Variants in DMGDH observed in about 807,000 individuals in gnomAD.
The protein encoded by DMGDH is dimethylglycine dehydrogenase, mitochondrial.
In DMGDH, 76 loss-of-function variants were observed where a neutral mutation model predicts 95.2. That is an observed-to-expected ratio of 0.80 (90% CI 0.66 to 0.97). DMGDH has a LOEUF of 0.97. Ranked by LOEUF, DMGDH falls within the 50% of genes least tolerant of loss-of-function variation. DMGDH has a pLI of 0.00. For missense variants in DMGDH, 987 were observed against 1,055.0 expected, an observed-to-expected ratio of 0.94 and a Z score of 0.89; for synonymous variants, 345 against 377.6, an observed-to-expected ratio of 0.91 and a Z score of 1.00.
intron 14 of DMGDH, among the ~76,000 whole-genome samples, chr5:79,014,321 G>T (rs1350695944): frequency 6.6e-6 from 1 of 152,006 alleles, no homozygotes; most frequent in Non-Finnish European, 1.5e-5. Context: ...TAATTTTTCG[G>T]TTTTTTAATC....
chr5:79,023,266 A>C (rs1466960798), intron 14 of DMGDH, among the ~76,000 whole-genome samples: 1 of 152,138 alleles, frequency 6.6e-6, no homozygotes, highest in Admixed American at 6.6e-5. Context: ...AGGACATTTT[A>C]TTTTTGGAGT....
At chr5:79,025,779 G>A (rs899362012) in intron 13 of DMGDH, among the ~76,000 whole-genome samples, 2 of 152,178 alleles carry the variant, frequency 1.3e-5, no homozygotes, top group African/African-American at 4.8e-5. Context: ...TCCAGGGATA[G>A]CCTGCCATAT....
rs1561203247 is a variant in DMGDH at position 78,998,075 on chromosome 5, T to C, written c.*7A>G. 3 of 1,614,162 alleles carry C rather than the reference T, an allele frequency of 1.9e-6. No individual in the cohort carries two copies. The highest frequency in any genetic ancestry group is 1.7e-6 in the Non-Finnish European group (2 of 1,179,984). On this transcript the variant is annotated 3_prime_UTR_variant, in exon 16 of 16. Coordinates refer to ENST00000255189, the MANE Select transcript of DMGDH (RefSeq NM_013391.3). The stretch of plus-strand genomic sequence containing the variant: ...CTCTAATTCAGTTGACTGCTGAAGG[T>C]CTTTTTTCAAGTTTTGTCCTTTCCA...
chr5:79,047,594 C>T (rs548629107), intron 5 of DMGDH, among the ~76,000 whole-genome samples: 21 of 152,178 alleles, frequency 1.4e-4, no homozygotes, highest in Admixed American at 1.3e-3. Flanking sequence ...ATAACTAGTA[C>T]CTGCCCGCGT....
intron 7 of DMGDH, among the ~76,000 whole-genome samples, chr5:79,038,441 G>A (rs958925933): frequency 6.6e-6 from 1 of 152,084 alleles, no homozygotes; most frequent in Non-Finnish European, 1.5e-5. Context: ...ACAAGATCGT[G>A]CCATTCCCTG....
Position 79,069,551 on chromosome 5 carries a change from C to CG in DMGDH, c.69dup (p.Gly24ArgfsTer88), listed in dbSNP as rs918048623. 5 of 1,317,392 alleles carry CG rather than the reference C, an allele frequency of 3.8e-6. No homozygotes were observed. Among genetic ancestry groups the CG allele is most frequent in the East Asian group, 6.2e-5 (2 of 32,404 alleles). 81.6% of individuals were successfully genotyped at this position (1,317,392 alleles called of 1,614,324 possible). On this transcript the variant is annotated frameshift_variant, in exon 1 of 16. Coordinates refer to ENST00000255189, the MANE Select transcript of DMGDH (RefSeq NM_013391.3). LOFTEE classifies it high-confidence loss of function. Reference sequence around the variant, plus strand: ...CGGCCGCAGACAGAGCGCGGGCGCCCGGGGGAGCCCTGCAGCGGGCAGCTC... The same window carrying CG: ...CGGCCGCAGACAGAGCGCGGGCGCCCGGGGGGAGCCCTGCAGCGGGCAGCTC...
chr5:79,069,470 C>G (rs770498546), intron 1 of DMGDH, 50 bp downstream of exon 1: 26 of 1,167,408 alleles, frequency 2.2e-5, no homozygotes, highest in Non-Finnish European at 2.7e-5. Flanking sequence ...CTCTGGCTCC[C>G]ACCCCCGCAG....
intron 7 of DMGDH, among the ~76,000 whole-genome samples, chr5:79,037,232 G>A (rs979357235): frequency 2.0e-5 from 3 of 152,160 alleles, no homozygotes; most frequent in African/African-American, 7.2e-5. Flanking sequence ...TAAGCCACAT[G>A]GGTTCTAGTG....
In DMGDH at chr5:79,051,451, T is replaced by C. The variant is rs140962917; in HGVS notation, c.581A>G (p.Asp194Gly). Reference protein sequence around the residue: ...GLYNPGDGHIDPYSLTMALAA... With the variant: ...GLYNPGDGHIGPYSLTMALAA... ...CAGTGCCATAGTTAGAGAATAAGGA[T>C]CAATGTGACCATCTCCAGGATTATA... is the stretch of plus-strand genomic sequence containing the variant. Residue 194 changes from aspartate to glycine, a missense_variant, in exon 5 of 16, where the codon GAT becomes GGT. Coordinates refer to ENST00000255189, the MANE Select transcript of DMGDH (RefSeq NM_013391.3). The C allele has an allele frequency of 1.1e-5, 17 of 1,614,036 alleles. No homozygotes were observed. Among genetic ancestry groups the C allele is most frequent in the African/African-American group, 4.0e-5 (3 of 74,912 alleles).
rs558112899 is a variant in DMGDH, at chr5:79,049,552, A to T, written c.745+1735T>A. ...TAGTATTTGCTATAATGATGAAAACAGTCAAATGTTTTTAGGGCCTGAATT... is the reference window on the plus strand; with the variant it reads ...TAGTATTTGCTATAATGATGAAAACTGTCAAATGTTTTTAGGGCCTGAATT... On this transcript the variant is annotated intron_variant, in intron 5 of 15. Transcript: ENST00000255189. 7.2e-5 allele frequency among the ~76,000 whole-genome samples: 11 copies of T among 152,364 alleles called. No homozygotes were observed. In the South Asian group the frequency reaches 2.3e-3, roughly 32 times the overall value.
At chr5:79,010,082 A>G (rs1270037821) in intron 14 of DMGDH, among the ~76,000 whole-genome samples, 1 of 152,238 alleles carries the variant, frequency 6.6e-6, no homozygotes, top group Admixed American at 6.5e-5. Flanking sequence ...TTAAATAGCA[A>G]TATGAGTCAT....
intron 14 of DMGDH, among the ~76,000 whole-genome samples, chr5:79,013,828 G>A (rs1445120163): frequency 2.0e-5 from 3 of 152,138 alleles, no homozygotes; most frequent in Non-Finnish European, 4.4e-5. Flanking sequence ...TAGATCTCAT[G>A]AGAACCCACT....
chr5:79,018,055 A>T (rs1753772581), intron 14 of DMGDH, among the ~76,000 whole-genome samples: 1 of 152,190 alleles, frequency 6.6e-6, no homozygotes, highest in Non-Finnish European at 1.5e-5. Flanking sequence ...GGGAATTATT[A>T]TTATTTTTTT....
chr5:79,031,096 C>T, intron 9 of DMGDH, 98 bp from the exon 10 acceptor site: 1 of 1,285,146 alleles, frequency 7.8e-7, no homozygotes, highest in South Asian at 1.3e-5. Flanking sequence ...CTAGAAAATC[C>T]TACGGGCAGC....
At chr5:79,043,586 T>C (rs1327252967) in intron 6 of DMGDH, among the ~76,000 whole-genome samples, 1 of 152,228 alleles carries the variant, frequency 6.6e-6, no homozygotes, top group East Asian at 1.9e-4. Context: ...GAAGTACCAT[T>C]TCCTACATTT....
intron 14 of DMGDH, among the ~76,000 whole-genome samples, chr5:79,015,082 C>T (rs953454465): frequency 9.9e-5 from 15 of 152,272 alleles, no homozygotes; most frequent in African/African-American, 3.6e-4. Flanking sequence ...AACCCACATG[C>T]TCAGATGCCT....
At chr5:79,050,248 CAAAAAA>C (rs57662602) in intron 5 of DMGDH, among the ~76,000 whole-genome samples, 5 of 78,632 alleles carry the variant, frequency 6.4e-5, no homozygotes, top group African/African-American at 2.1e-4. Flanking sequence ...AACTTTGTCT[CAAAAAA>C]AAAAAAAAAA....
At position 79,005,378 on chromosome 5, in the gene DMGDH, C is replaced by T. The variant is rs1254386410; in HGVS notation, c.2280G>A (p.Leu760=). ...TCAGCCCCTTGGCTTTAATCTGTTTCAGTGCTTGCTTTCCTATGAAGTCTG... is the reference window on the plus strand; with the variant it reads ...TCAGCCCCTTGGCTTTAATCTGTTTTAGTGCTTGCTTTCCTATGAAGTCTG... ...KPADFIGKQA[L]KQIKAKGLKR... is the part of the protein sequence containing the mutation. The change falls in exon 15 of 16, where the codon CTG becomes CTA. Residue 760 remains leucine, a synonymous_variant. Coordinates refer to ENST00000255189, the MANE Select transcript of DMGDH (RefSeq NM_013391.3). The T allele has an allele frequency of 6.2e-7, 1 of 1,613,974 alleles. No homozygotes were observed. The highest frequency in any genetic ancestry group is 1.3e-5 in the African/African-American group (1 of 74,930).
chr5:79,018,203 A>G (rs1416842096), intron 14 of DMGDH, among the ~76,000 whole-genome samples: 2 of 152,122 alleles, frequency 1.3e-5, no homozygotes, highest in Non-Finnish European at 2.9e-5. Flanking sequence ...ATGTGTCACC[A>G]TGCCCGGCTA....
Sources: allele counts gnomAD v4.1 joint callset (sites outside exome capture counted in the v4.1 genomes callset), GRCh38; gene constraint gnomAD v4.1.1; transcripts MANE v1.5; gene names NCBI Gene and HGNC (gene_info 2026-07-23, HGNC 2026-07-21).